The following MPZL1 variants were observed in gnomAD, a reference collection of about 807,000 sequenced individuals.
MPZL1 encodes the protein myelin protein zero like 1.
In MPZL1, 16 loss-of-function variants were observed where a neutral mutation model predicts 29.3. The ratio of observed to expected loss-of-function variants is 0.55; its 90% CI spans 0.37 to 0.83. The LOEUF is 0.83. MPZL1 is among the 40% of genes least tolerant of loss of function. MPZL1 has a pLI of 0.00. For synonymous variants in MPZL1, 143 were observed against 132.0 expected (o/e 1.08, Z -0.57); for missense variants, 279 against 332.9 (o/e 0.84, Z 1.26).
chr1:167,761,528 C>T (rs1660988057), intron 1 of MPZL1, among the ~76,000 whole-genome samples: 1 of 152,116 alleles, frequency 6.6e-6, no homozygotes, highest in South Asian at 2.1e-4. Flanking sequence ...GTTCTCTTCT[C>T]ATTGCTTCTG....
At chr1:167,778,574 A>T (rs60934963) in intron 5 of MPZL1, among the ~76,000 whole-genome samples, 26,007 of 151,706 alleles carry the variant, frequency 0.17, 2,789 homozygotes, top group East Asian at 0.37. Flanking sequence ...GGATAGATTT[A>T]AAAAAATAAT....
At chr1:167,762,811 C>T (rs1661016867) in intron 1 of MPZL1, among the ~76,000 whole-genome samples, 1 of 152,150 alleles carries the variant, frequency 6.6e-6, no homozygotes, top group Non-Finnish European at 1.5e-5. Context: ...GTTTATCTTA[C>T]AACTGATGAA....
intron 5 of MPZL1, among the ~76,000 whole-genome samples, chr1:167,785,732 T>C (rs904248977): frequency 1.3e-5 from 2 of 152,230 alleles, no homozygotes; most frequent in African/African-American, 4.8e-5. Context: ...TTCCGTCCTA[T>C]TCTTGGAAAT....
At chr1:167,739,278 T>TACAC (rs1320065028) in intron 1 of MPZL1, among the ~76,000 whole-genome samples, 3 of 87,716 alleles carry the variant, frequency 3.4e-5, no homozygotes, top group African/African-American at 2.3e-4. Flanking sequence ...TATATACATA[T>TACAC]ATACATATAT....
chr1:167,738,435 A>G (rs1436254737), intron 1 of MPZL1, among the ~76,000 whole-genome samples: 2 of 152,118 alleles, frequency 1.3e-5, no homozygotes, highest in African/African-American at 4.8e-5. Flanking sequence ...TACTAACCCC[A>G]TTATTTACTG....
At chr1:167,735,594 T>C (rs12070924) in intron 1 of MPZL1, among the ~76,000 whole-genome samples, 7,771 of 152,266 alleles carry the variant, frequency 0.051, 649 homozygotes, top group African/African-American at 0.18. Context: ...TTCGCTCATA[T>C]GATTGTGGAG....
chr1:167,760,225 CAG>C (rs767787831), intron 1 of MPZL1, among the ~76,000 whole-genome samples: 10 of 152,088 alleles, frequency 6.6e-5, no homozygotes, highest in Non-Finnish European at 1.2e-4. Flanking sequence ...TTTTTTGAGA[CAG>C]AGTCTCGCTC....
chr1:167,722,266 T>C, intron 1 of MPZL1, 24 bp downstream of exon 1: 1 of 1,235,736 alleles, frequency 8.1e-7, no homozygotes, highest in Non-Finnish European at 1.0e-6. Flanking sequence ...GGACCAGGGC[T>C]GGGGCCGGGG....
intron 5 of MPZL1, among the ~76,000 whole-genome samples, chr1:167,780,482 A>G (rs1208816426): frequency 1.3e-5 from 2 of 152,232 alleles, no homozygotes; most frequent in Non-Finnish European, 2.9e-5. Context: ...GCCAAAATAC[A>G]GAAGCAACCC....
intron 1 of MPZL1, among the ~76,000 whole-genome samples, chr1:167,723,185 T>C (rs1171861438): frequency 6.6e-6 from 1 of 152,268 alleles, no homozygotes; most frequent in Non-Finnish European, 1.5e-5. Context: ...GGCCAGCTGC[T>C]AAGAAACCAC....
intron 1 of MPZL1, among the ~76,000 whole-genome samples, chr1:167,739,928 C>T (rs1242569626): frequency 6.6e-6 from 1 of 152,180 alleles, no homozygotes; most frequent in Non-Finnish European, 1.5e-5. Context: ...ATCAAGTCTT[C>T]CCATCCCTCC....
At chr1:167,736,629 C>T (rs1428387649) in intron 1 of MPZL1, among the ~76,000 whole-genome samples, 3 of 152,154 alleles carry the variant, frequency 2.0e-5, no homozygotes, top group Non-Finnish European at 4.4e-5. Flanking sequence ...CCTCACCTCC[C>T]TGGATTTAAT....
At chr1:167,732,258 C>G (rs1660286854) in intron 1 of MPZL1, among the ~76,000 whole-genome samples, 2 of 152,130 alleles carry the variant, frequency 1.3e-5, no homozygotes, top group East Asian at 3.8e-4. Flanking sequence ...CTTGTAAGTA[C>G]TAAGAACTAC....
chr1:167,756,304 A>G (rs1224647338), intron 1 of MPZL1, among the ~76,000 whole-genome samples: 3 of 151,994 alleles, frequency 2.0e-5, no homozygotes, highest in East Asian at 1.9e-4. Flanking sequence ...TTGAGCCACT[A>G]TGCCCAGCTA....
chr1:167,745,288 T>C (rs530881442), intron 1 of MPZL1, among the ~76,000 whole-genome samples: 1 of 152,220 alleles, frequency 6.6e-6, no homozygotes, highest in Admixed American at 6.5e-5. Context: ...TGTCAGACTC[T>C]TTATTACAAA....
chr1:167,768,077 A>G (rs768565634), intron 2 of MPZL1, among the ~76,000 whole-genome samples: 4 of 151,770 alleles, frequency 2.6e-5, no homozygotes, highest in Non-Finnish European at 5.9e-5. Flanking sequence ...GCCCCTTGTT[A>G]TTCTTCTGCT....
chr1:167,734,100 CA>C (rs1660326943), intron 1 of MPZL1, among the ~76,000 whole-genome samples: 1 of 150,808 alleles, frequency 6.6e-6, no homozygotes. Flanking sequence ...ACTAAAAATA[CA>C]AAAAATTAGC....
chr1:167,787,878 A>G lies in MPZL1; in HGVS notation c.767A>G (p.Asn256Ser), dbSNP rs1024755264. The part of the protein sequence containing the change: ...HSGGHHSDKI[N>S]KSESVVYADI... Reference sequence around the variant, plus strand: ...GGCGGACATCACAGTGACAAGATTAACAAGTCAGAGTCTGTGGTGTATGCG... The same window carrying G: ...GGCGGACATCACAGTGACAAGATTAGCAAGTCAGAGTCTGTGGTGTATGCG... The change falls in exon 6 of 6, where the codon AAC becomes AGC. Residue 256 changes from asparagine (N) to serine (S), a missense_variant. Transcript: ENST00000359523. The G allele has an allele frequency of 6.2e-7, 1 of 1,613,840 alleles. No individual in the cohort carries two copies. The highest frequency in any genetic ancestry group is 8.5e-7 in the Non-Finnish European group (1 of 1,179,708).
intron 1 of MPZL1, among the ~76,000 whole-genome samples, chr1:167,758,213 A>G (rs916449306): frequency 1.3e-5 from 2 of 152,066 alleles, no homozygotes; most frequent in African/African-American, 4.8e-5. Context: ...TGGACCCAGT[A>G]GTAACATGAC....
Sources: allele counts gnomAD v4.1 joint callset (sites outside exome capture counted in the v4.1 genomes callset), GRCh38; gene constraint gnomAD v4.1.1; transcripts MANE v1.5; gene names NCBI Gene and HGNC (gene_info 2026-07-23, HGNC 2026-07-21).